DLG2: variants seen among roughly 807,000 people sequenced by gnomAD.
DLG2 encodes the protein discs large MAGUK scaffold protein 2.
In DLG2, 45 loss-of-function variants were observed where a neutral mutation model predicts 132.5. The ratio of observed to expected loss-of-function variants is 0.34; its 90% confidence interval spans 0.27 to 0.44. DLG2 has a LOEUF of 0.44. Among genes scored for constraint, DLG2 ranks in the 20% least tolerant of loss-of-function variants. The pLI, the probability that DLG2 is intolerant of heterozygous loss-of-function variation, is 1.00. For missense variants in DLG2, 1,045 were observed against 1,196.9 expected (o/e 0.87, Z 1.87); for synonymous variants, 424 against 419.6 (o/e 1.01, Z -0.13).
intron 6 of DLG2, among the ~76,000 whole-genome samples, chr11:84,899,992 C>G (rs1295585591): frequency 2.0e-5 from 3 of 151,996 alleles, no homozygotes; most frequent in Non-Finnish European, 4.4e-5. Context: ...TGGTACATGA[C>G]TTAATTCCTT....
chr11:83,769,192 T>A (rs1029829844), intron 18 of DLG2, among the ~76,000 whole-genome samples: 1 of 152,084 alleles, frequency 6.6e-6, no homozygotes, highest in Non-Finnish European at 1.5e-5. Context: ...GAGCAAAACC[T>A]CTCCTTTGGC....
rs141294710 is a variant in DLG2, at chr11:84,636,570, C to T, written c.358-101839G>A. Among the ~76,000 whole-genome samples the T allele has an allele frequency of 3.8e-3, 582 of 152,162 alleles. 2 individuals are homozygous for T. The highest frequency in any genetic ancestry group is 0.01 in the Admixed American group (158 of 15,284). The stretch of plus-strand genomic sequence containing the variant: ...GTACAAAACAGACACATAAAAATGA[C>T]GGTTTTTATTATGCTAGGCAGAGGA... On this transcript the variant is annotated intron_variant, in intron 6 of 27. Coordinates refer to ENST00000376104, the MANE Select transcript of DLG2 (RefSeq NM_001142699.3).
In DLG2 at chr11:84,807,856, AG is replaced by A. The variant is rs766276648; in HGVS notation, c.358-273126del. Among the ~76,000 whole-genome samples the A allele has an allele frequency of 7.7e-4, 117 of 152,300 alleles. 1 individual carries two copies. The highest frequency in any genetic ancestry group is 1.7e-3 in the Admixed American group (26 of 15,292). ...AGAGTTGTAAAATATATGAAGCAAA[AG>A]CAATAGAACTAAAAGGACAAATAGA... On this transcript the variant is annotated intron_variant, in intron 6 of 27. Transcript: ENST00000376104.
rs971090408 is a variant in DLG2, at chr11:83,865,276, A to C, written c.1565+9144T>G. ...TGCAGTCAAGAATCCTTCCCTTCCC[A>C]GACACATGACCTTGGGGAAGTCACT... On this transcript the variant is annotated intron_variant, in intron 16 of 27. Coordinates refer to ENST00000376104, the MANE Select transcript of DLG2 (RefSeq NM_001142699.3). 3.9e-5 allele frequency among the ~76,000 whole-genome samples: 6 copies of C among 152,266 alleles called. No individual in the cohort carries two copies. In the East Asian group the frequency reaches 5.8e-4, roughly 15 times the overall value.
At chr11:84,081,297 C>T (rs1403499824) in intron 10 of DLG2, among the ~76,000 whole-genome samples, 1 of 152,046 alleles carries the variant, frequency 6.6e-6, no homozygotes, top group African/African-American at 2.4e-5. Context: ...TATACATTGT[C>T]TTAGCTCAAA....
At chr11:85,205,571 T>C (rs2081829446) in intron 4 of DLG2, among the ~76,000 whole-genome samples, 1 of 152,168 alleles carries the variant, frequency 6.6e-6, no homozygotes, top group African/African-American at 2.4e-5. Context: ...AACAGATAAA[T>C]GTTTGGGGTG....
chr11:83,663,434 T>C (rs2074810045), intron 18 of DLG2, among the ~76,000 whole-genome samples: 2 of 152,198 alleles, frequency 1.3e-5, no homozygotes, highest in African/African-American at 2.4e-5. Flanking sequence ...AAAACCTCTC[T>C]ATACATAGGC....
At chr11:84,778,994 G>C (rs1360704003) in intron 6 of DLG2, among the ~76,000 whole-genome samples, 3 of 152,096 alleles carry the variant, frequency 2.0e-5, no homozygotes, top group Non-Finnish European at 4.4e-5. Context: ...CCAGTGGTTT[G>C]CCAGGGGCTC....
At chr11:83,751,353 T>C (rs2093295745) in intron 18 of DLG2, among the ~76,000 whole-genome samples, 1 of 152,076 alleles carries the variant, frequency 6.6e-6, no homozygotes, top group South Asian at 2.1e-4. Flanking sequence ...GAGAGAAATA[T>C]ATAGGAGCTT....
At chr11:83,770,740 A>G (rs973723279) in intron 18 of DLG2, among the ~76,000 whole-genome samples, 1 of 152,138 alleles carries the variant, frequency 6.6e-6, no homozygotes, top group Non-Finnish European at 1.5e-5. Context: ...GTAAAATTTT[A>G]CTTTTTATTT....
chr11:83,564,075 C>T (rs1230117270), intron 19 of DLG2, among the ~76,000 whole-genome samples: 1 of 150,032 alleles, frequency 6.7e-6, no homozygotes, highest in African/African-American at 2.5e-5. Flanking sequence ...TATTGGAAAT[C>T]AGTAATATAA....
At chr11:83,745,605 C>G (rs1324474778) in intron 18 of DLG2, among the ~76,000 whole-genome samples, 1 of 151,972 alleles carries the variant, frequency 6.6e-6, no homozygotes, top group African/African-American at 2.4e-5. Context: ...AGTTCGAGAC[C>G]AGCCTGGCCA....
At chr11:85,081,451 C>G (rs2067214427) in intron 6 of DLG2, among the ~76,000 whole-genome samples, 2 of 152,154 alleles carry the variant, frequency 1.3e-5, no homozygotes, top group Admixed American at 6.5e-5. Flanking sequence ...TGCAGTTTCT[C>G]AAGGCTGGCC....
chr11:84,823,384 C>G (rs1360102403), intron 6 of DLG2, among the ~76,000 whole-genome samples: 1 of 151,744 alleles, frequency 6.6e-6, no homozygotes, highest in Non-Finnish European at 1.5e-5. Context: ...TCTCCTCCAG[C>G]CACACCAGCC....
At chr11:83,842,651 C>G (rs906929059) in intron 16 of DLG2, among the ~76,000 whole-genome samples, 3 of 150,540 alleles carry the variant, frequency 2.0e-5, no homozygotes, top group African/African-American at 7.3e-5. Context: ...CCCGTCTCTA[C>G]TAAAAATACA....
intron 15 of DLG2, among the ~76,000 whole-genome samples, chr11:83,906,333 A>C (rs942126113): frequency 3.5e-5 from 5 of 140,966 alleles, no homozygotes; most frequent in African/African-American, 1.3e-4. Flanking sequence ...CGGCCTCCCA[A>C]AGTGCTGGGA....
At chr11:83,512,520 T>C (rs2095082864) in intron 21 of DLG2, among the ~76,000 whole-genome samples, 1 of 152,160 alleles carries the variant, frequency 6.6e-6, no homozygotes, top group African/African-American at 2.4e-5. Context: ...AATTATTGCA[T>C]CATTTTATTT....
chr11:85,010,861 T>C (rs1314408831), intron 6 of DLG2, among the ~76,000 whole-genome samples: 1 of 152,166 alleles, frequency 6.6e-6, no homozygotes, highest in Non-Finnish European at 1.5e-5. Flanking sequence ...TATTGACAAG[T>C]GGCATATTGA....
chr11:84,055,195 C>A (rs1283793966), intron 11 of DLG2, among the ~76,000 whole-genome samples: 1 of 151,908 alleles, frequency 6.6e-6, no homozygotes, highest in Admixed American at 6.6e-5. Flanking sequence ...ACAAATGGCA[C>A]CCCAACTAAA....
Sources: allele counts gnomAD v4.1 joint callset (sites outside exome capture counted in the v4.1 genomes callset), GRCh38; gene constraint gnomAD v4.1.1; transcripts MANE v1.5; gene names NCBI Gene and HGNC (gene_info 2026-07-23, HGNC 2026-07-21).